PLEKHA7: variants seen among roughly 807,000 people sequenced by gnomAD.
The protein encoded by PLEKHA7 is pleckstrin homology domain-containing family A member 7.
Under a neutral mutation model 170.0 loss-of-function variants are expected in PLEKHA7, and 104 were observed. The ratio of observed to expected loss-of-function variants is 0.61; its 90% CI spans 0.52 to 0.72. The LOEUF (loss-of-function observed/expected upper bound fraction) is 0.72. PLEKHA7 is among the 30% of genes least tolerant of loss of function. The probability of loss-of-function intolerance (pLI) is 0.00; values close to 1 mark genes in which losing one functional copy is unlikely to be tolerated. For synonymous variants in PLEKHA7, 648 were observed against 660.8 expected (o/e 0.98, Z 0.30); for missense variants, 1,615 against 1,671.7 (o/e 0.97, Z 0.59).
intron 3 of PLEKHA7, among the ~76,000 whole-genome samples, chr11:16,872,600 G>A (rs976787990): frequency 6.6e-6 from 1 of 152,090 alleles, no homozygotes; most frequent in African/African-American, 2.4e-5. Flanking sequence ...GCTTGCTGCA[G>A]GCTCAAACTC....
chr11:16,872,386 T>G (rs1854928677), intron 3 of PLEKHA7, among the ~76,000 whole-genome samples: 1 of 152,226 alleles, frequency 6.6e-6, no homozygotes, highest in Non-Finnish European at 1.5e-5. Context: ...AAAGAATCAC[T>G]TTAGGCTATT....
chr11:16,988,891 T>G (rs2136932209), intron 3 of PLEKHA7, among the ~76,000 whole-genome samples: 1 of 152,334 alleles, frequency 6.6e-6, no homozygotes, highest in East Asian at 1.9e-4. Context: ...GCCCTTCAGA[T>G]ATCTGCAGCC....
At chr11:16,821,567 A>T (rs1169589441) in intron 10 of PLEKHA7, among the ~76,000 whole-genome samples, 1 of 152,222 alleles carries the variant, frequency 6.6e-6, no homozygotes, top group Non-Finnish European at 1.5e-5. Context: ...CCAATGTCTT[A>T]ATGTGCTCAG....
rs866233465 is a variant in PLEKHA7, at chr11:16,817,120, G to A, written c.1546C>T (p.Arg516Trp). Reference protein sequence around the residue: ...KMSSEERRAHRDGTVWQLYEW... With the variant: ...KMSSEERRAHWDGTVWQLYEW... ...TAGAGCTGCCACACGGTGCCATCCC[G>A]GTGCGCCCGGCGCTCTTCACTCGAC... Residue 516 changes from arginine to tryptophan, a missense_variant, in exon 11 of 27, where the codon CGG (arginine) becomes TGG (tryptophan). Arg to Trp is a moderately radical substitution (Grantham distance 101). Transcript: ENST00000531066. The surrounding 1 kb of genome is among the most constrained non-coding windows in gnomAD (Gnocchi z 4.4). The A allele has an allele frequency of 1.1e-5, 18 of 1,614,032 alleles. No individual in the cohort carries two copies. The highest frequency in any genetic ancestry group is 1.6e-4 in the Middle Eastern group (1 of 6,084).
intron 7 of PLEKHA7, among the ~76,000 whole-genome samples, chr11:16,852,027 G>A (rs1468631838): frequency 6.6e-6 from 1 of 152,178 alleles, no homozygotes; most frequent in East Asian, 1.9e-4. Context: ...CAGATGACAG[G>A]TTACAAAACA....
chr11:16,839,180 G>T (rs1384118465), intron 9 of PLEKHA7, among the ~76,000 whole-genome samples: 1 of 151,948 alleles, frequency 6.6e-6, no homozygotes, highest in African/African-American at 2.4e-5. Context: ...AAAATTAAAG[G>T]TGATTCATAT....
At chr11:16,862,109 T>A (rs920877464) in intron 4 of PLEKHA7, among the ~76,000 whole-genome samples, 1 of 152,172 alleles carries the variant, frequency 6.6e-6, no homozygotes, top group South Asian at 2.1e-4. Flanking sequence ...ATTCAGCAAC[T>A]GTGGTCTCAC....
At chr11:16,867,468 AAGG>A (rs1854485196) in intron 4 of PLEKHA7, among the ~76,000 whole-genome samples, 1 of 152,188 alleles carries the variant, frequency 6.6e-6, no homozygotes, top group Non-Finnish European at 1.5e-5. Context: ...AAGAAAAAGA[AAGG>A]AGCCAGTTTT....
chr11:16,800,784 C>A (rs1020726010), intron 17 of PLEKHA7, among the ~76,000 whole-genome samples, 190 bp downstream of exon 17: 3 of 152,160 alleles, frequency 2.0e-5, no homozygotes, highest in African/African-American at 7.2e-5. Context: ...CTCATCACAG[C>A]CTGGCTTGGG....
intron 3 of PLEKHA7, among the ~76,000 whole-genome samples, chr11:16,914,457 C>A (rs1451193576): frequency 6.6e-6 from 1 of 152,182 alleles, no homozygotes. Context: ...TCCAAAATGG[C>A]CCTGCGTACC....
At chr11:16,803,489 C>T (rs1590170708) in intron 13 of PLEKHA7, 194 bp from the exon 14 acceptor site, 2 of 574,538 alleles carry the variant, frequency 3.5e-6, no homozygotes, top group East Asian at 5.7e-5. Context: ...AAAACCAAAA[C>T]CTTTTGATGA....
intron 3 of PLEKHA7, among the ~76,000 whole-genome samples, chr11:16,880,736 C>A (rs1240991367): frequency 6.6e-6 from 1 of 152,182 alleles, no homozygotes; most frequent in South Asian, 2.1e-4. Context: ...CGAGAAAAGC[C>A]GCATTCTATA....
intron 7 of PLEKHA7, 107 bp from the exon 8 acceptor site, chr11:16,851,398 G>A: frequency 1.5e-6 from 1 of 655,354 alleles, no homozygotes; most frequent in Admixed American, 2.8e-5. Context: ...CCCTTGTAAT[G>A]TCCATCCTCC....
chr11:16,987,937 A>C (rs1225579669), intron 3 of PLEKHA7, among the ~76,000 whole-genome samples: 1 of 152,242 alleles, frequency 6.6e-6, no homozygotes, highest in Non-Finnish European at 1.5e-5. Context: ...AATACCTGGC[A>C]TGGCACAGAT....
chr11:16,872,922 T>C (rs191731803), intron 3 of PLEKHA7, among the ~76,000 whole-genome samples: 2 of 152,358 alleles, frequency 1.3e-5, no homozygotes, highest in East Asian at 3.9e-4. Flanking sequence ...TCCCATGGTA[T>C]TTACATTCTA....
intron 9 of PLEKHA7, among the ~76,000 whole-genome samples, chr11:16,828,519 C>G (rs1285914104): frequency 6.6e-6 from 1 of 152,164 alleles, no homozygotes; most frequent in Non-Finnish European, 1.5e-5. Flanking sequence ...ACAGAGAGAA[C>G]TGAGAAAAGC....
At chr11:16,923,689 T>C (rs1418596957) in intron 3 of PLEKHA7, among the ~76,000 whole-genome samples, 1 of 152,014 alleles carries the variant, frequency 6.6e-6, no homozygotes, top group Admixed American at 6.5e-5. Context: ...CCACACCCAG[T>C]GCTAAAATCT....
chr11:16,815,469 A>C (rs1849679674), intron 12 of PLEKHA7, among the ~76,000 whole-genome samples: 1 of 152,252 alleles, frequency 6.6e-6, no homozygotes, highest in African/African-American at 2.4e-5. Context: ...AAAGGGCTTC[A>C]GGAAGTTTTT....
At chr11:16,807,309 T>A in intron 13 of PLEKHA7, 3 of 517,932 alleles carry the variant, frequency 5.8e-6, no homozygotes, top group Non-Finnish European at 7.4e-6. Flanking sequence ...TTTGGGGAAC[T>A]GGCAAAGGGA....
Sources: gnomAD v4.1 joint callset for allele counts (sites outside exome capture counted in the v4.1 genomes callset) on GRCh38, gnomAD v4.1.1 for gene constraint, Gnocchi (gnomAD v3.1) non-coding constraint, MANE v1.5 for transcripts, NCBI Gene and HGNC (gene_info 2026-07-23, HGNC 2026-07-21) for gene names.